ZCCHC7: variants seen among roughly 807,000 people sequenced by gnomAD.
The protein encoded by ZCCHC7 is zinc finger CCHC-type containing 7, also known as zinc finger CCHC domain-containing protein 7.
Under a neutral mutation model 52.0 loss-of-function variants are expected in ZCCHC7, and 35 were observed. The observed-to-expected ratio is 0.67, with a 90% CI of 0.51 to 0.89. The LOEUF (loss-of-function observed/expected upper bound fraction) is 0.89. Among genes scored for constraint, ZCCHC7 ranks in the 40% least tolerant of loss-of-function variants. ZCCHC7 has a pLI of 0.00. For missense variants in ZCCHC7, 574 were observed against 649.1 expected (o/e 0.88, Z 1.26); for synonymous variants, 217 against 221.5 (o/e 0.98, Z 0.18).
At chr9:37,349,540 ATACT>A (rs2118614333) in intron 7 of ZCCHC7, 88 bp downstream of exon 7, 2 of 1,252,848 alleles carry the variant, frequency 1.6e-6, no homozygotes, top group Admixed American at 2.1e-5. Context: ...GTAACTCTAA[ATACT>A]TACTTTTTAA....
At chr9:37,300,125 G>A (rs563862043) in intron 2 of ZCCHC7, among the ~76,000 whole-genome samples, 1 of 152,290 alleles carries the variant, frequency 6.6e-6, no homozygotes, top group South Asian at 2.1e-4. Flanking sequence ...CCACAGGATT[G>A]TTAAAACAAT....
intron 2 of ZCCHC7, among the ~76,000 whole-genome samples, chr9:37,159,631 T>C (rs1303468324): frequency 3.3e-5 from 5 of 152,170 alleles, no homozygotes; most frequent in Non-Finnish European, 7.3e-5. Context: ...AATGTTTCAC[T>C]CCCAAGCGCT....
chr9:37,254,364 AC>A, intron 2 of ZCCHC7, among the ~76,000 whole-genome samples: 1 of 152,034 alleles, frequency 6.6e-6, no homozygotes, highest in Non-Finnish European at 1.5e-5. Context: ...GTGTTTATTT[AC>A]AAAGAGTTGG....
chr9:37,120,805 G>A, intron 1 of ZCCHC7, 182 bp downstream of exon 1: 1 of 305,078 alleles, frequency 3.3e-6, no homozygotes, highest in Non-Finnish European at 6.0e-6. Flanking sequence ...GCCCCACGCG[G>A]CCGGGCTGCG....
chr9:37,309,890 CCA>C (rs1829512292), intron 5 of ZCCHC7, among the ~76,000 whole-genome samples: 1 of 151,116 alleles, frequency 6.6e-6, no homozygotes, highest in Non-Finnish European at 1.5e-5. Flanking sequence ...CCACTGAACT[CCA>C]GCCTGGGCAA....
At chr9:37,315,443 T>A (rs1829774642) in intron 5 of ZCCHC7, among the ~76,000 whole-genome samples, 1 of 151,748 alleles carries the variant, frequency 6.6e-6, no homozygotes, top group Admixed American at 6.6e-5. Flanking sequence ...AAAAAAATCA[T>A]AAGCAATACT....
At chr9:37,247,199 G>A (rs992160196) in intron 2 of ZCCHC7, among the ~76,000 whole-genome samples, 2 of 152,056 alleles carry the variant, frequency 1.3e-5, no homozygotes, top group Non-Finnish European at 2.9e-5. Flanking sequence ...TTTATATTCT[G>A]TCACTTAGCC....
intron 2 of ZCCHC7, among the ~76,000 whole-genome samples, chr9:37,301,595 G>A (rs1276403236): frequency 6.6e-6 from 1 of 152,040 alleles, no homozygotes; most frequent in African/African-American, 2.4e-5. Context: ...GCAAGACCCT[G>A]TCTCCAAAAA....
At chr9:37,318,380 G>A (rs1431631869) in intron 5 of ZCCHC7, among the ~76,000 whole-genome samples, 2 of 151,786 alleles carry the variant, frequency 1.3e-5, no homozygotes, top group Non-Finnish European at 2.9e-5. Flanking sequence ...AGAATCGCTT[G>A]AAACTGGGAG....
intron 2 of ZCCHC7, among the ~76,000 whole-genome samples, chr9:37,199,865 C>T (rs1323636803): frequency 4.0e-5 from 6 of 151,584 alleles, no homozygotes; most frequent in South Asian, 4.2e-4. Flanking sequence ...CCACCACGCC[C>T]GGCTAATTTT....
intron 2 of ZCCHC7, among the ~76,000 whole-genome samples, chr9:37,161,285 T>C (rs551260382): frequency 1.3e-5 from 2 of 152,172 alleles, no homozygotes; most frequent in Admixed American, 1.3e-4. Context: ...TGTTAAAATA[T>C]AAGTGGCAGC....
intron 2 of ZCCHC7, among the ~76,000 whole-genome samples, chr9:37,194,846 A>G (rs762128983): frequency 2.0e-5 from 3 of 152,152 alleles, no homozygotes; most frequent in Admixed American, 1.3e-4. Flanking sequence ...CAAATTCTCT[A>G]TCCAAAGGAT....
intron 1 of ZCCHC7, among the ~76,000 whole-genome samples, chr9:37,122,137 T>C (rs1017893367): frequency 6.6e-6 from 1 of 152,102 alleles, no homozygotes. Context: ...GCTAAAGATA[T>C]TTGGAAGTAA....
chr9:37,190,179 T>G (rs1564168310), intron 2 of ZCCHC7, among the ~76,000 whole-genome samples: 1 of 152,218 alleles, frequency 6.6e-6, no homozygotes, highest in Non-Finnish European at 1.5e-5. Context: ...TGATGAAGGT[T>G]TGTTCCCTCA....
chr9:37,137,969 C>A (rs1297189071), intron 2 of ZCCHC7, among the ~76,000 whole-genome samples: 3 of 152,056 alleles, frequency 2.0e-5, no homozygotes, highest in African/African-American at 7.2e-5. Context: ...AGTTTAATTT[C>A]TGCCTTATAA....
intron 2 of ZCCHC7, among the ~76,000 whole-genome samples, chr9:37,140,997 A>G (rs1843197084): frequency 1.3e-5 from 2 of 152,032 alleles, no homozygotes; most frequent in Non-Finnish European, 2.9e-5. Context: ...AAAAAATTTA[A>G]TGCTTATAGT....
intron 2 of ZCCHC7, among the ~76,000 whole-genome samples, chr9:37,215,870 TTTAA>T (rs1824474726): frequency 6.6e-6 from 1 of 152,186 alleles, no homozygotes; most frequent in Non-Finnish European, 1.5e-5. Flanking sequence ...TTGTAATTGA[TTTAA>T]TTGTGTGTGT....
intron 5 of ZCCHC7, among the ~76,000 whole-genome samples, chr9:37,324,967 G>A (rs1830182409): frequency 6.6e-6 from 1 of 152,194 alleles, no homozygotes; most frequent in Non-Finnish European, 1.5e-5. Context: ...GAATAGGGAA[G>A]TGGGAATTAA....
intron 2 of ZCCHC7, among the ~76,000 whole-genome samples, chr9:37,130,513 G>A (rs1265099827): frequency 7.1e-6 from 1 of 140,456 alleles, no homozygotes; most frequent in Non-Finnish European, 1.5e-5. Context: ...TTTTTTTTGA[G>A]ACAGAGTCTC....
Sources: gnomAD v4.1 joint callset for allele counts (sites outside exome capture counted in the v4.1 genomes callset) on GRCh38, gnomAD v4.1.1 for gene constraint, MANE v1.5 for transcripts, NCBI Gene and HGNC (gene_info 2026-07-23, HGNC 2026-07-21) for gene names.